DKK2: variants seen among roughly 807,000 people sequenced by gnomAD.
The protein encoded by DKK2 is dickkopf-related protein 2.
A neutral mutation model predicts 28.1 loss-of-function variants in DKK2; 11 were observed. The observed-to-expected ratio is 0.39, with a 90% CI of 0.25 to 0.65. The LOEUF (loss-of-function observed/expected upper bound fraction) is 0.65, where lower values mean the gene tolerates loss of function less well. Ranked by LOEUF, DKK2 falls within the 30% of genes least tolerant of loss-of-function variation. The pLI is 0.47. For synonymous variants in DKK2, 135 were observed against 126.5 expected, an observed-to-expected ratio of 1.07 and a Z score of -0.45; for missense variants, 326 against 335.5, an observed-to-expected ratio of 0.97 and a Z score of 0.22.
At chr4:106,948,089 A>C (rs1414853866) in intron 1 of DKK2, among the ~76,000 whole-genome samples, 2 of 152,180 alleles carry the variant, frequency 1.3e-5, no homozygotes, top group Non-Finnish European at 2.9e-5. Flanking sequence ...AGTGGGCATT[A>C]TTAACTTCAG....
At chr4:107,020,245 C>T (rs1723670814) in intron 1 of DKK2, among the ~76,000 whole-genome samples, 1 of 152,114 alleles carries the variant, frequency 6.6e-6, no homozygotes, top group East Asian at 1.9e-4. Context: ...GCCACTTATG[C>T]TTTTAACAAT....
intron 1 of DKK2, among the ~76,000 whole-genome samples, chr4:106,997,150 G>A (rs1560588652): frequency 6.6e-6 from 1 of 151,968 alleles, no homozygotes; most frequent in Non-Finnish European, 1.5e-5. Flanking sequence ...AGTGCCCATC[G>A]TTTAGTTCCA....
intron 1 of DKK2, among the ~76,000 whole-genome samples, chr4:107,004,786 G>C (rs1723412964): frequency 6.6e-6 from 1 of 152,066 alleles, no homozygotes; most frequent in African/African-American, 2.4e-5. Context: ...TAATCACAAG[G>C]GTCTTTAAAA....
At chr4:106,991,514 A>G (rs1723203852) in intron 1 of DKK2, among the ~76,000 whole-genome samples, 1 of 152,092 alleles carries the variant, frequency 6.6e-6, no homozygotes, top group Admixed American at 6.6e-5. Flanking sequence ...TGACTACCAA[A>G]ACAAGTCCAA....
intron 1 of DKK2, among the ~76,000 whole-genome samples, chr4:106,935,924 A>G (rs1228357683): frequency 6.6e-6 from 1 of 152,172 alleles, no homozygotes; most frequent in African/African-American, 2.4e-5. Flanking sequence ...TAGAAGGAAA[A>G]CTAACAAACA....
intron 1 of DKK2, among the ~76,000 whole-genome samples, chr4:107,032,596 T>C (rs1723891320): frequency 6.6e-6 from 1 of 152,112 alleles, no homozygotes; most frequent in African/African-American, 2.4e-5. Context: ...ATTTTCAACA[T>C]CCATTTAAGA....
chr4:106,928,186 C>T (rs147294592), intron 1 of DKK2, among the ~76,000 whole-genome samples: 3,781 of 151,922 alleles, frequency 0.025, 63 homozygotes, highest in Non-Finnish European at 0.036. Context: ...AAATGGGGTG[C>T]ACAGTAGCCT....
chr4:106,982,955 AAAG>A (rs772286606), intron 1 of DKK2, among the ~76,000 whole-genome samples: 104 of 151,356 alleles, frequency 6.9e-4, no homozygotes, highest in Admixed American at 1.1e-3. Context: ...AAGAGAAGAA[AAAG>A]AAGAAGAAAG....
chr4:106,980,379 G>A (rs1351868193), intron 1 of DKK2, among the ~76,000 whole-genome samples: 1 of 151,896 alleles, frequency 6.6e-6, no homozygotes, highest in African/African-American at 2.4e-5. Context: ...TAAATGTTTA[G>A]GCTCAAATCT....
At chr4:106,980,116 C>G (rs1428204256) in intron 1 of DKK2, among the ~76,000 whole-genome samples, 3 of 152,056 alleles carry the variant, frequency 2.0e-5, no homozygotes, top group Admixed American at 6.6e-5. Context: ...TTAAACAAGG[C>G]AATTGCTATA....
chr4:106,986,730 TACATTCTA>T (rs1445914815), intron 1 of DKK2, among the ~76,000 whole-genome samples: 2 of 152,208 alleles, frequency 1.3e-5, no homozygotes, highest in Non-Finnish European at 2.9e-5. Flanking sequence ...AAGCAGCTGG[TACATTCTA>T]AATATGGAGA....
rs1723894259 is a variant in DKK2 at position 107,032,768 on chromosome 4, T to A, written c.222+2602A>T. On this transcript the variant is annotated intron_variant, in intron 1 of 3. Transcript: ENST00000285311. ...TATTAGGTCTTAGGATGATACTACA[T>A]GATTAGCTAATTTGATTAGTTGACA... Among the ~76,000 whole-genome samples, 5 of 152,268 alleles carry A rather than the reference T, an allele frequency of 3.3e-5. No individual in the cohort carries two copies. The South Asian group carries it at 1.0e-3, about 32-fold the overall frequency.
At chr4:106,934,568 C>T (rs956131254) in intron 1 of DKK2, among the ~76,000 whole-genome samples, 2 of 152,116 alleles carry the variant, frequency 1.3e-5, no homozygotes, top group South Asian at 2.1e-4. Flanking sequence ...TTGTTTTTAA[C>T]AATTATTTAA....
At chr4:107,013,600 C>T (rs1259910222) in intron 1 of DKK2, among the ~76,000 whole-genome samples, 1 of 151,162 alleles carries the variant, frequency 6.6e-6, no homozygotes, top group East Asian at 1.9e-4. Context: ...GGAAAAAATG[C>T]AGGAGAAATG....
At chr4:106,926,056 C>T (rs1724421903) in intron 1 of DKK2, 107 bp from the exon 2 acceptor site, 14 of 1,239,444 alleles carry the variant, frequency 1.1e-5, no homozygotes, top group Non-Finnish European at 1.3e-5. Context: ...ATATATCTCA[C>T]CCGGAAGGAA....
At chr4:107,028,124 A>T (rs910648511) in intron 1 of DKK2, among the ~76,000 whole-genome samples, 2 of 152,110 alleles carry the variant, frequency 1.3e-5, no homozygotes, top group African/African-American at 4.8e-5. Context: ...TTACTTAATT[A>T]TTTGCCAGCT....
At chr4:107,000,674 A>G (rs1236790044) in intron 1 of DKK2, among the ~76,000 whole-genome samples, 1 of 152,198 alleles carries the variant, frequency 6.6e-6, no homozygotes, top group Non-Finnish European at 1.5e-5. Context: ...GCATGCCCAT[A>G]TAAGCCATAA....
chr4:106,942,135 G>A (rs1168219210), intron 1 of DKK2, among the ~76,000 whole-genome samples: 1 of 152,076 alleles, frequency 6.6e-6, no homozygotes, highest in Non-Finnish European at 1.5e-5. Flanking sequence ...GATGATAGAT[G>A]CTTTGGTTTG....
chr4:107,010,987 T>TAGA lies in DKK2; in HGVS notation c.222+24380_222+24382dup, dbSNP rs1318134958. ...GAAATCTCTTTAATGTCTCACTTAA[T>TAGA]AGAAGGCAGCTGGATACTCTTATCT... On this transcript the variant is annotated intron_variant, in intron 1 of 3. Coordinates refer to ENST00000285311, the MANE Select transcript of DKK2 (RefSeq NM_014421.3). Among the ~76,000 whole-genome samples, 9 of 151,506 alleles carry TAGA rather than the reference T, an allele frequency of 5.9e-5. No homozygotes were observed. In the Admixed American group the frequency reaches 5.9e-4, roughly 10 times the overall value.
Sources: allele counts gnomAD v4.1 joint callset (sites outside exome capture counted in the v4.1 genomes callset), GRCh38; gene constraint gnomAD v4.1.1; transcripts MANE v1.5; gene names NCBI Gene and HGNC (gene_info 2026-07-23, HGNC 2026-07-21).